DYNC1H1: variants seen among roughly 807,000 people sequenced by gnomAD.
DYNC1H1 encodes cytoplasmic dynein 1 heavy chain 1.
Under a neutral mutation model 527.1 loss-of-function variants are expected in DYNC1H1, and 51 were observed. That is an observed-to-expected ratio of 0.10 (90% CI 0.08 to 0.12). The LOEUF (loss-of-function observed/expected upper bound fraction) is 0.12. Among genes scored for constraint, DYNC1H1 ranks in the 10% least tolerant of loss-of-function variants. The pLI is 1.00. For missense variants in DYNC1H1, 2,771 were observed against 5,971.8 expected, an observed-to-expected ratio of 0.46 and a Z score of 17.66; for synonymous variants, 2,189 against 2,278.8, an observed-to-expected ratio of 0.96 and a Z score of 1.12.
intron 1 of DYNC1H1, among the ~76,000 whole-genome samples, chr14:101,968,466 T>G (rs1465562003): frequency 4.1e-5 from 6 of 146,132 alleles, no homozygotes; most frequent in Non-Finnish European, 9.1e-5. Context: ...ACTTCAGGGC[T>G]CAAGCAATAC....
chr14:102,030,350 C>T (rs889637833), intron 51 of DYNC1H1, 68 bp downstream of exon 51: 9 of 1,611,376 alleles, frequency 5.6e-6, no homozygotes, highest in Non-Finnish European at 7.6e-6. Context: ...CTGTGGAGTT[C>T]AGGTCACTGA....
Position 102,039,722 on chromosome 14 carries a change from G to C in DYNC1H1, c.11680G>C (p.Gly3894Arg), listed in dbSNP as rs773694254. ...GCTGCTGGCAAGAATCAAACTGAAG[G>C]GCACCGTGGGGTAAGAGCACTCACG... is the stretch of plus-strand genomic sequence containing the variant. ...AMLLARIKLK[G>R]TVGEPTYDAE... The change falls in exon 62 of 78, where the codon GGC (glycine) becomes CGC (arginine). Residue 3894 changes from glycine to arginine, a missense_variant. By Grantham distance (125) the Gly-to-Arg change is moderately radical (BLOSUM62 -2). This residue lies in a region of DYNC1H1 where 120 missense variants were observed against 161.9 expected (regional missense o/e 0.74). Coordinates refer to ENST00000360184, the MANE Select transcript of DYNC1H1 (RefSeq NM_001376.5). The surrounding 1 kb of genome is among the most constrained non-coding windows in gnomAD (Gnocchi z 7.0). The C allele has an allele frequency of 6.2e-7, 1 of 1,614,196 alleles. No individual in the cohort carries two copies. The highest frequency in any genetic ancestry group is 1.1e-5 in the South Asian group (1 of 91,078).
rs1054494479 is a variant in DYNC1H1 at position 102,055,215 on chromosome 14, A to C, written c.*4652A>C. ...CCCAGCTATCTTCTGGACTCAGGTG[A>C]CAAGTCACCTAAGTGACAGATCCAG... On this transcript the variant is annotated 3_prime_UTR_variant, in exon 78 of 78. Coordinates refer to ENST00000360184, the MANE Select transcript of DYNC1H1 (RefSeq NM_001376.5). The C allele has an allele frequency of 6.6e-6, 1 of 152,104 alleles. No individual in the cohort carries two copies. Among genetic ancestry groups the C allele is most frequent in the Non-Finnish European group, 1.5e-5 (1 of 68,026 alleles). The allele number at this position is 152,104 out of a possible 1,614,324, so 9.4% of individuals were successfully genotyped here.
In DYNC1H1 at chr14:102,029,973, G is replaced by T; in HGVS notation, c.9762+35G>T. 6.2e-7 allele frequency: 1 copy of T among 1,613,902 alleles called. No individual in the cohort carries two copies. Among genetic ancestry groups the T allele is most frequent in the South Asian group, 1.1e-5 (1 of 90,914 alleles). On this transcript the variant is annotated intron_variant, in intron 50 of 77. Transcript: ENST00000360184. The surrounding 1 kb of genome is among the most constrained non-coding windows in gnomAD (Gnocchi z 5.3). ...CAGGGAATTCTGGCCTGTAAGGACT[G>T]AGCATTTTCAGTCTCCAATGAGAGA...
chr14:102,022,551 A>T (rs1011096192), intron 42 of DYNC1H1, among the ~76,000 whole-genome samples, 200 bp from the exon 43 acceptor site: 1 of 152,132 alleles, frequency 6.6e-6, no homozygotes, highest in African/African-American at 2.4e-5. Flanking sequence ...TAAGTAAATA[A>T]ATAAATAAAT....
Position 101,983,679 on chromosome 14 carries a change from T to G in DYNC1H1, c.1461+70T>G. 3 of 1,524,764 alleles carry G rather than the reference T, an allele frequency of 2.0e-6. No homozygotes were observed. The highest frequency in any genetic ancestry group is 2.4e-5 in the South Asian group (2 of 83,318). 94.5% of individuals were successfully genotyped at this position (1,524,764 alleles called of 1,614,324 possible). A position where few individuals can be genotyped will look rare whatever the true frequency, so the allele number is the denominator to read the frequency against. The stretch of plus-strand genomic sequence containing the variant: ...TTTTGTTTTTTGTTTGGTGTTTTTT[T>G]TTTGTTGTTGTTGTTGAGATGAAGT... On this transcript the variant is annotated intron_variant, in intron 7 of 77. Transcript: ENST00000360184. The surrounding 1 kb of genome is among the most constrained non-coding windows in gnomAD (Gnocchi z 5.3).
At chr14:101,991,434 C>T in intron 10 of DYNC1H1, 93 bp from the exon 11 acceptor site, 1 of 1,500,418 alleles carries the variant, frequency 6.7e-7, no homozygotes, top group Non-Finnish European at 9.1e-7. Flanking sequence ...CATTACACTG[C>T]AGCCTGGGCA....
At chr14:101,968,656 G>T (rs1351247020) in intron 1 of DYNC1H1, among the ~76,000 whole-genome samples, 2 of 152,054 alleles carry the variant, frequency 1.3e-5, no homozygotes, top group African/African-American at 2.4e-5. Context: ...TCAACCTCCG[G>T]TCTCAAGCGA....
At chr14:101,973,498 G>T (rs772816233) in intron 1 of DYNC1H1, among the ~76,000 whole-genome samples, 1 of 152,016 alleles carries the variant, frequency 6.6e-6, no homozygotes, top group African/African-American at 2.4e-5. Flanking sequence ...TGTGAATTTT[G>T]TATTTGTCTC....
intron 73 of DYNC1H1, 156 bp downstream of exon 73, chr14:102,048,184 A>G: frequency 1.0e-6 from 1 of 974,864 alleles, no homozygotes; most frequent in Non-Finnish European, 1.5e-6. Context: ...GAGCCCAGGC[A>G]TTGGGCAAGA....
At position 102,049,638 on chromosome 14, in the gene DYNC1H1, G is replaced by A; in HGVS notation, c.13515+56G>A. On this transcript the variant is annotated intron_variant, in intron 75 of 77. Transcript: ENST00000360184. The surrounding 1 kb of genome is among the most constrained non-coding windows in gnomAD (Gnocchi z 5.5). ...TCAGCAGCTGTCCTGGGCTGGGGTG[G>A]GAGTGGCTCTGGGGAAAAACACAGG... 1 of 1,613,340 alleles carries A rather than the reference G, an allele frequency of 6.2e-7. No individual in the cohort carries two copies. Among genetic ancestry groups the A allele is most frequent in the South Asian group, 1.1e-5 (1 of 91,064 alleles).
At chr14:101,981,810 G>C (rs2047868332) in intron 5 of DYNC1H1, among the ~76,000 whole-genome samples, 1 of 152,216 alleles carries the variant, frequency 6.6e-6, no homozygotes, top group South Asian at 2.1e-4. Context: ...TCAATAAATA[G>C]ATTAGGATCC....
chr14:102,047,657 A>ATATATATATATATATATATAT (rs2048744268), intron 72 of DYNC1H1, 160 bp from the exon 73 acceptor site: 1 of 545,680 alleles, frequency 1.8e-6, no homozygotes, highest in Non-Finnish European at 3.3e-6. Context: ...ATATATATAT[A>ATATATATATATATATATATAT]TATATATGTA....
At position 102,020,205 on chromosome 14, in the gene DYNC1H1, C is replaced by T; in HGVS notation, c.8507+149C>T. ...AAGGAGCAGAGTCAGCCAGGGCAGC[C>T]TCCCGTCTGGACACTGGTCACAGTT... On this transcript the variant is annotated intron_variant, in intron 42 of 77. Transcript: ENST00000360184. The surrounding 1 kb of genome is among the most constrained non-coding windows in gnomAD (Gnocchi z 4.3). The T allele has an allele frequency of 6.3e-6, 7 of 1,117,742 alleles. No homozygotes were observed. The highest frequency in any genetic ancestry group is 9.1e-6 in the Non-Finnish European group (7 of 767,532). The allele number at this position is 1,117,742 out of a possible 1,614,324, so 69.2% of individuals were successfully genotyped here.
At position 102,036,472 on chromosome 14, in the gene DYNC1H1, T is replaced by C. The variant is rs1385993721; in HGVS notation, c.10755-17T>C. ...CATTCGGTGTTTCAACCTTCTCTTC[T>C]GTGGCCTCATCCTCAGGTATCCGCT... On this transcript the variant is annotated splice_polypyrimidine_tract_variant and intron_variant, in intron 56 of 77. Transcript: ENST00000360184. The surrounding 1 kb of genome is among the most constrained non-coding windows in gnomAD (Gnocchi z 5.6). 1 of 1,613,094 alleles carries C rather than the reference T, an allele frequency of 6.2e-7. No individual in the cohort carries two copies. Among genetic ancestry groups the C allele is most frequent in the Non-Finnish European group, 8.5e-7 (1 of 1,179,786 alleles).
rs2048624958 is a variant in DYNC1H1 at position 102,039,870 on chromosome 14, C to G, written c.11690+138C>G. The G allele has an allele frequency of 8.7e-7, 1 of 1,156,008 alleles. No homozygotes were observed. The highest frequency in any genetic ancestry group is 1.2e-6 in the Non-Finnish European group (1 of 811,590). 71.6% of individuals were successfully genotyped at this position (1,156,008 alleles called of 1,614,324 possible). A position where few individuals can be genotyped will look rare whatever the true frequency, so the allele number is the denominator to read the frequency against. On this transcript the variant is annotated intron_variant, in intron 62 of 77. Coordinates refer to ENST00000360184, the MANE Select transcript of DYNC1H1 (RefSeq NM_001376.5). This position sits in a 1 kb window ranked among gnomAD's most constrained non-coding sequence, Gnocchi z 7.0. The stretch of plus-strand genomic sequence containing the variant: ...TTTTATTTTTTGAGACGGAGTCTCC[C>G]TTTGTTGCCTAGGCTGGAGTGCCGT...
intron 23 of DYNC1H1, 87 bp downstream of exon 23, chr14:102,003,052 G>A: frequency 6.4e-7 from 1 of 1,564,988 alleles, no homozygotes; most frequent in Non-Finnish European, 8.7e-7. Context: ...TTCTGGGCCT[G>A]TGTTTGTTAG....
Position 102,015,021 on chromosome 14 carries a change from A to C in DYNC1H1, c.7015-84A>C. Reference sequence around the variant, plus strand: ...AAATTAAGTTTAAAGTCACCCTTTCAGTGTATATATAGGTAAAAGAATCTT... The same window carrying C: ...AAATTAAGTTTAAAGTCACCCTTTCCGTGTATATATAGGTAAAAGAATCTT... On this transcript the variant is annotated intron_variant, in intron 34 of 77. Coordinates refer to ENST00000360184, the MANE Select transcript of DYNC1H1 (RefSeq NM_001376.5). The surrounding 1 kb of genome is among the most constrained non-coding windows in gnomAD (Gnocchi z 6.9). The C allele has an allele frequency of 6.7e-7, 1 of 1,497,016 alleles. No homozygotes were observed. Among genetic ancestry groups the C allele is most frequent in the Non-Finnish European group, 9.3e-7 (1 of 1,078,006 alleles). 92.7% of individuals were successfully genotyped at this position (1,497,016 alleles called of 1,614,324 possible).
In DYNC1H1 at chr14:102,049,298, G is replaced by A. The variant is rs976257240; in HGVS notation, c.13373-142G>A. The A allele has an allele frequency of 1.1e-5, 13 of 1,235,024 alleles. No homozygotes were observed. The highest frequency in any genetic ancestry group is 7.4e-5 in the African/African-American group (5 of 67,696). 76.5% of individuals were successfully genotyped at this position (1,235,024 alleles called of 1,614,324 possible). ...GTGAGGGCGGCGCCAGGGGCATAAA[G>A]TGCAGCCTGGGAAAGGCAGTAGGTG... On this transcript the variant is annotated intron_variant, in intron 74 of 77. Coordinates refer to ENST00000360184, the MANE Select transcript of DYNC1H1 (RefSeq NM_001376.5). This position sits in a 1 kb window ranked among gnomAD's most constrained non-coding sequence, Gnocchi z 5.5.
Sources: gnomAD v4.1 joint callset for allele counts (sites outside exome capture counted in the v4.1 genomes callset) on GRCh38, gnomAD v4.1.1 for gene constraint, gnomAD v4.1.1 regional missense constraint, Gnocchi (gnomAD v3.1) non-coding constraint, MANE v1.5 for transcripts, NCBI Gene and HGNC (gene_info 2026-07-23, HGNC 2026-07-21) for gene names.